The following SOX5 variants were observed in gnomAD, a reference collection of about 807,000 sequenced individuals.
SOX5 encodes transcription factor SOX-5.
SOX5 carries 9 observed loss-of-function variants against 92.0 expected under a neutral mutation model. That is an observed-to-expected ratio of 0.10 (90% confidence interval 0.06 to 0.17). The LOEUF (loss-of-function observed/expected upper bound fraction) is 0.17. SOX5 is among the 10% of genes least tolerant of loss of function. The pLI is 1.00. For missense variants in SOX5, 642 were observed against 944.5 expected, an observed-to-expected ratio of 0.68 and a Z score of 4.20; for synonymous variants, 344 against 336.3, an observed-to-expected ratio of 1.02 and a Z score of -0.25.
At chr12:23,614,359 C>G (rs1486576259) in intron 8 of SOX5, among the ~76,000 whole-genome samples, 5 of 152,146 alleles carry the variant, frequency 3.3e-5, no homozygotes, top group Admixed American at 3.3e-4. Context: ...TTCTCTTTGG[C>G]CAGATGTGAG....
At chr12:24,472,226 G>C (rs558133209) in intron 1 of SOX5, among the ~76,000 whole-genome samples, 1 of 152,306 alleles carries the variant, frequency 6.6e-6, no homozygotes, top group South Asian at 2.1e-4. Context: ...GGAAGTCTGG[G>C]TTCTCACTGG....
chr12:24,277,178 A>G (rs1207723421), intron 3 of SOX5: 2 of 151,792 alleles, frequency 1.3e-5, no homozygotes, highest in East Asian at 1.9e-4. Flanking sequence ...ATAGTTATCA[A>G]TTTTTCAAAA....
intron 3 of SOX5, among the ~76,000 whole-genome samples, chr12:24,248,793 T>C (rs1159996378): frequency 6.6e-6 from 1 of 152,216 alleles, no homozygotes; most frequent in Admixed American, 6.5e-5. Flanking sequence ...TGTATAAGCC[T>C]TTCTTTCTAA....
chr12:23,739,762 G>T (rs1478315905), intron 5 of SOX5, among the ~76,000 whole-genome samples: 1 of 152,136 alleles, frequency 6.6e-6, no homozygotes, highest in African/African-American at 2.4e-5. Flanking sequence ...CCTTTTGTAT[G>T]TCATTTAGAT....
chr12:24,269,593 G>T (rs1284939364), intron 3 of SOX5, among the ~76,000 whole-genome samples: 1 of 151,504 alleles, frequency 6.6e-6, no homozygotes, highest in African/African-American at 2.4e-5. Flanking sequence ...ATATGTAAAC[G>T]TCCATAACTT....
intron 4 of SOX5, among the ~76,000 whole-genome samples, chr12:24,005,198 T>C (rs11047199): frequency 0.05 from 7,625 of 151,354 alleles, 260 homozygotes; most frequent in African/African-American, 0.083. Flanking sequence ...AAAAAAAAAA[T>C]CACTGAATTG....
At chr12:23,752,716 T>C (rs570062320) in intron 4 of SOX5, among the ~76,000 whole-genome samples, 17 of 151,914 alleles carry the variant, frequency 1.1e-4, no homozygotes, top group Non-Finnish European at 1.9e-4. Flanking sequence ...GCTTCTGCTA[T>C]AGATAAGGGC....
At chr12:23,637,723 T>C (rs892442603) in intron 8 of SOX5, among the ~76,000 whole-genome samples, 2 of 152,162 alleles carry the variant, frequency 1.3e-5, no homozygotes, top group Non-Finnish European at 2.9e-5. Context: ...TGGCTTTTTG[T>C]TGAGCTAAAA....
intron 1 of SOX5, among the ~76,000 whole-genome samples, chr12:24,391,043 A>C (rs73281473): frequency 0.022 from 3,337 of 152,248 alleles, 106 homozygotes; most frequent in African/African-American, 0.075. Flanking sequence ...TCCCACCAGC[A>C]GCATACAAGT....
intron 1 of SOX5, among the ~76,000 whole-genome samples, chr12:24,514,092 G>A (rs1038456464): frequency 1.3e-5 from 2 of 152,242 alleles, no homozygotes; most frequent in East Asian, 1.9e-4. Flanking sequence ...CCTCTGAATC[G>A]ACTCAAATTT....
chr12:23,581,555 A>G (rs945949437), intron 9 of SOX5, among the ~76,000 whole-genome samples: 6 of 152,100 alleles, frequency 3.9e-5, no homozygotes, highest in African/African-American at 1.4e-4. Context: ...AAGGCAACAG[A>G]TAAGAACAGA....
intron 1 of SOX5, among the ~76,000 whole-genome samples, chr12:24,506,079 AC>A (rs995098420): frequency 5.3e-5 from 8 of 151,902 alleles, no homozygotes; most frequent in African/African-American, 1.9e-4. Flanking sequence ...ACATGACCAC[AC>A]CCCCTATGTG....
intron 1 of SOX5, among the ~76,000 whole-genome samples, chr12:24,391,775 T>A (rs1230309415): frequency 6.6e-6 from 1 of 152,216 alleles, no homozygotes; most frequent in African/African-American, 2.4e-5. Flanking sequence ...AGAAATGATC[T>A]GCATAATAAC....
chr12:23,622,986 G>C (rs375403062), intron 8 of SOX5, among the ~76,000 whole-genome samples: 49 of 152,172 alleles, frequency 3.2e-4, no homozygotes, highest in African/African-American at 1.2e-3. Context: ...AATAGAGTTT[G>C]AGGAAATGCA....
At chr12:24,097,704 A>T (rs1945596713) in intron 4 of SOX5, among the ~76,000 whole-genome samples, 1 of 152,126 alleles carries the variant, frequency 6.6e-6, no homozygotes, top group Non-Finnish European at 1.5e-5. Context: ...CATGTATAGG[A>T]TTGGTACATA....
At chr12:23,817,245 C>T (rs1010588858) in intron 3 of SOX5, among the ~76,000 whole-genome samples, 11 of 152,066 alleles carry the variant, frequency 7.2e-5, no homozygotes, top group African/African-American at 2.7e-4. Context: ...GTTAGGTACC[C>T]ATTATTATTA....
intron 4 of SOX5, among the ~76,000 whole-genome samples, chr12:24,199,016 G>T (rs1957272255): frequency 2.6e-5 from 4 of 152,196 alleles, no homozygotes; most frequent in Admixed American, 2.6e-4. Flanking sequence ...CTGCACAAAT[G>T]ATCAAGGTCC....
intron 6 of SOX5, among the ~76,000 whole-genome samples, chr12:23,726,533 TC>T (rs1419236706): frequency 6.6e-6 from 1 of 152,174 alleles, no homozygotes; most frequent in Non-Finnish European, 1.5e-5. Flanking sequence ...CATACTGACT[TC>T]GGCCAACATT....
chr12:24,315,934 C>T (rs1565889753), intron 2 of SOX5, among the ~76,000 whole-genome samples: 1 of 152,186 alleles, frequency 6.6e-6, no homozygotes, highest in Admixed American at 6.5e-5. Context: ...GCGTGTGACT[C>T]TTTTTTGAAC....
Sources: allele counts gnomAD v4.1 joint callset (sites outside exome capture counted in the v4.1 genomes callset), GRCh38; gene constraint gnomAD v4.1.1; transcripts MANE v1.5; gene names NCBI Gene and HGNC (gene_info 2026-07-23, HGNC 2026-07-21).